The following NAALADL2 variants were observed in gnomAD, a reference collection of about 807,000 sequenced individuals.
NAALADL2 encodes the protein N-acetylated alpha-linked acidic dipeptidase like 2.
In NAALADL2, 76 loss-of-function variants were observed where a neutral mutation model predicts 87.2. That is an observed-to-expected ratio of 0.87 (90% CI 0.72 to 1.05). The LOEUF is 1.05. Ranked by LOEUF, NAALADL2 falls within the 50% of genes least tolerant of loss-of-function variation. NAALADL2 has a pLI of 0.00. For missense variants in NAALADL2, 1,089 were observed against 945.8 expected (o/e 1.15, Z -1.99); for synonymous variants, 354 against 331.0 (o/e 1.07, Z -0.75).
intron 5 of NAALADL2, among the ~76,000 whole-genome samples, chr3:175,333,858 TAAATACTC>T (rs994684772): frequency 8.5e-5 from 13 of 152,292 alleles, no homozygotes; most frequent in African/African-American, 2.9e-4. Flanking sequence ...ACAGAAATAG[TAAATACTC>T]AAGGTAATAG....
At chr3:175,238,276 TAAAGA>T (rs1233283015) in intron 3 of NAALADL2, among the ~76,000 whole-genome samples, 1 of 152,014 alleles carries the variant, frequency 6.6e-6, no homozygotes, top group Non-Finnish European at 1.5e-5. Flanking sequence ...TTTTTTAAAA[TAAAGA>T]AGAGTTTAAA....
chr3:174,898,112 CAAAAAAA>C (rs913382744), intron 1 of NAALADL2, among the ~76,000 whole-genome samples: 460 of 14,430 alleles, frequency 0.032, no homozygotes, highest in African/African-American at 0.12. Flanking sequence ...GACTCCGTCT[CAAAAAAA>C]AAAAAAAAAA....
intron 5 of NAALADL2, among the ~76,000 whole-genome samples, chr3:175,371,329 G>T (rs1375563668): frequency 3.3e-5 from 5 of 151,882 alleles, no homozygotes; most frequent in Non-Finnish European, 7.4e-5. Context: ...CTGCAGTGGC[G>T]CTATCTCGGC....
chr3:174,770,819 G>T (rs973993669), intron 3 of NAALADL2, among the ~76,000 whole-genome samples: 3 of 149,400 alleles, frequency 2.0e-5, no homozygotes, highest in African/African-American at 7.4e-5. Flanking sequence ...ATGCACTCCA[G>T]CCTGGGCGAC....
intron 11 of NAALADL2, among the ~76,000 whole-genome samples, chr3:175,729,713 A>T (rs958065375): frequency 1.3e-5 from 2 of 151,416 alleles, no homozygotes; most frequent in Non-Finnish European, 2.9e-5. Context: ...GGGCTGCCAG[A>T]TTCGCAAATC....
chr3:175,498,400 C>T (rs1729108901), intron 9 of NAALADL2, among the ~76,000 whole-genome samples: 1 of 151,960 alleles, frequency 6.6e-6, no homozygotes, highest in Admixed American at 6.6e-5. Flanking sequence ...ATCCCCAGTC[C>T]AAGAAGTCTT....
chr3:175,150,327 T>C (rs1115118), intron 2 of NAALADL2, among the ~76,000 whole-genome samples: 45,789 of 152,052 alleles, frequency 0.3, 7,111 homozygotes, highest in South Asian at 0.36. Flanking sequence ...CTGGAGCCAG[T>C]CATAAATAAG....
In NAALADL2 at chr3:174,689,317, G is replaced by A. The variant is rs1728337791; in HGVS notation, c.-114-48324G>A. ...TCTATCATCTCTGTTAATTGAAATA[G>A]CCCTCAGCCATCAAGAGCCACAAGA... On this transcript the variant is annotated intron_variant, in intron 2 of 3. Coordinates refer to the NAALADL2 transcript ENST00000434257. 2.0e-5 allele frequency among the ~76,000 whole-genome samples: 3 copies of A among 151,488 alleles called. No individual in the cohort carries two copies. In the South Asian group the frequency reaches 6.2e-4, roughly 31 times the overall value.
At chr3:175,027,784 G>A (rs62287679) in intron 1 of NAALADL2, among the ~76,000 whole-genome samples, 3,491 of 152,198 alleles carry the variant, frequency 0.023, 76 homozygotes, top group Admixed American at 0.072. Context: ...TATATTTCTA[G>A]CAGTGACCCA....
At chr3:174,882,794 T>C (rs575328202) in intron 1 of NAALADL2, among the ~76,000 whole-genome samples, 73 of 104,996 alleles carry the variant, frequency 7.0e-4, no homozygotes, top group African/African-American at 3.0e-3. Flanking sequence ...TGTGTATATA[T>C]ACACGTGTGT....
intron 3 of NAALADL2, among the ~76,000 whole-genome samples, chr3:174,815,844 T>A (rs1219538375): frequency 6.7e-6 from 1 of 149,336 alleles, no homozygotes; most frequent in Non-Finnish European, 1.5e-5. Context: ...TTTTTTTTTT[T>A]TTTTTTTTTT....
intron 2 of NAALADL2, among the ~76,000 whole-genome samples, chr3:175,131,811 G>A (rs544436138): frequency 7.1e-6 from 1 of 141,178 alleles, no homozygotes; most frequent in African/African-American, 2.7e-5. Context: ...GGGCCTGGCC[G>A]GGCGGGGGGC....
chr3:174,846,158 T>G (rs1724593872), intron 3 of NAALADL2, among the ~76,000 whole-genome samples: 1 of 152,146 alleles, frequency 6.6e-6, no homozygotes, highest in Admixed American at 6.5e-5. Context: ...GATTACCTTT[T>G]TGCTGCAAGA....
At chr3:175,698,438 T>TG (rs1491573620) in intron 11 of NAALADL2, among the ~76,000 whole-genome samples, 1 of 140,118 alleles carries the variant, frequency 7.1e-6, no homozygotes, top group Admixed American at 7.2e-5. Flanking sequence ...TGTGTATATA[T>TG]TTATGTATGT....
At chr3:175,089,184 T>A (rs1719616710) in intron 1 of NAALADL2, among the ~76,000 whole-genome samples, 1 of 152,112 alleles carries the variant, frequency 6.6e-6, no homozygotes, top group South Asian at 2.1e-4. Flanking sequence ...TAAAAAGATC[T>A]GTCAGGTCCT....
At chr3:174,714,914 G>A (rs1045692281) in intron 2 of NAALADL2, among the ~76,000 whole-genome samples, 2 of 152,290 alleles carry the variant, frequency 1.3e-5, no homozygotes, top group South Asian at 4.1e-4. Flanking sequence ...TGCCCATTCA[G>A]TATGATATTG....
intron 10 of NAALADL2, among the ~76,000 whole-genome samples, chr3:175,595,601 C>A (rs997204360): frequency 6.6e-6 from 1 of 151,802 alleles, no homozygotes; most frequent in Non-Finnish European, 1.5e-5. Flanking sequence ...CAATAATGCC[C>A]AGGCTTGGAG....
At chr3:175,288,282 T>C (rs1488946446) in intron 4 of NAALADL2, among the ~76,000 whole-genome samples, 1 of 152,120 alleles carries the variant, frequency 6.6e-6, no homozygotes, top group Admixed American at 6.6e-5. Flanking sequence ...TTTTGTTCTA[T>C]TCAGGCCTTC....
chr3:174,556,006 T>TGC (rs768230937), intron 2 of NAALADL2, among the ~76,000 whole-genome samples: 15 of 136,874 alleles, frequency 1.1e-4, no homozygotes, highest in Middle Eastern at 3.9e-3. Context: ...TGTGTGTGTG[T>TGC]GTGCGCGCAC....
Sources: allele counts gnomAD v4.1 joint callset (sites outside exome capture counted in the v4.1 genomes callset), GRCh38; gene constraint gnomAD v4.1.1; transcripts MANE v1.5; gene names NCBI Gene and HGNC (gene_info 2026-07-23, HGNC 2026-07-21).